Variants in MED12L observed in about 807,000 individuals in gnomAD.
MED12L encodes mediator complex subunit 12L.
In MED12L, 60 loss-of-function variants were observed where a neutral mutation model predicts 281.3. That is an observed-to-expected ratio of 0.21 (90% CI 0.17 to 0.26). The LOEUF (loss-of-function observed/expected upper bound fraction) is 0.26, where lower values mean the gene tolerates loss of function less well. Among genes scored for constraint, MED12L ranks in the 10% least tolerant of loss-of-function variants. MED12L has a pLI of 1.00. For missense variants in MED12L, 2,146 were observed against 2,680.9 expected (o/e 0.80, Z 4.41); for synonymous variants, 974 against 987.2 (o/e 0.99, Z 0.25).
chr3:151,413,905 C>A (rs1034697674), intron 42 of MED12L, among the ~76,000 whole-genome samples: 1 of 150,422 alleles, frequency 6.6e-6, no homozygotes, highest in Admixed American at 6.6e-5. Flanking sequence ...AAGACGGAGT[C>A]TCCCTCTGTC....
rs749720794 is a variant in MED12L at position 151,383,781 on chromosome 3, A to G, written c.4683A>G (p.Val1561=). The G allele has an allele frequency of 5.0e-6, 8 of 1,606,974 alleles. No homozygotes were observed. In the East Asian group the frequency reaches 1.6e-4, roughly 31 times the overall value. ...HEALQLRLNL[V]GGMFDTVQRS... ...TCTTACTGTATTTTGTCTGCTAGGT[A>G]GGAGGAATGTTTGACACGGTGCAGA... Residue 1561 remains valine, a splice_region_variant and synonymous_variant, in exon 34 of 45, where the codon GTA becomes GTG. Transcript: ENST00000687756.
At chr3:151,176,248 G>T (rs1047915670) in intron 11 of MED12L, among the ~76,000 whole-genome samples, 2 of 152,056 alleles carry the variant, frequency 1.3e-5, no homozygotes, top group Non-Finnish European at 2.9e-5. Context: ...AAAATGATAG[G>T]ATTGTCATTA....
At chr3:151,247,347 A>T (rs1459950252) in intron 16 of MED12L, among the ~76,000 whole-genome samples, 5 of 152,166 alleles carry the variant, frequency 3.3e-5, no homozygotes, top group Non-Finnish European at 5.9e-5. Flanking sequence ...ACAATAGCAA[A>T]GACTTGGAAC....
intron 16 of MED12L, among the ~76,000 whole-genome samples, chr3:151,330,509 G>C (rs957241989): frequency 1.3e-5 from 2 of 152,044 alleles, no homozygotes; most frequent in Non-Finnish European, 2.9e-5. Flanking sequence ...AAATCTACTT[G>C]CCAGGTAGGC....
At chr3:151,240,023 A>G (rs2149373940) in intron 16 of MED12L, among the ~76,000 whole-genome samples, 1 of 123,534 alleles carries the variant, frequency 8.1e-6, no homozygotes, top group Admixed American at 9.0e-5. Context: ...AGTAATCCTG[A>G]TGTCTTTCTC....
chr3:151,178,157 C>CAAAAAAAAAAAAAAAAAAAAAAA (rs10572929), intron 11 of MED12L, among the ~76,000 whole-genome samples: 1 of 49,170 alleles, frequency 2.0e-5, no homozygotes, highest in Non-Finnish European at 4.0e-5. Flanking sequence ...GACTTGGTCT[C>CAAAAAAAAAAAAAAAAAAAAAAA]AAAAAAAAAA....
rs748743471 is a variant in MED12L at position 151,394,832 on chromosome 3, C to A, written c.5785C>A (p.Leu1929Ile). Residue 1929 changes from leucine to isoleucine, a missense_variant, in exon 39 of 45, where the codon CTT becomes ATT. By Grantham distance (5) the Leu-to-Ile change is conservative. Coordinates refer to ENST00000687756, the MANE Select transcript of MED12L (RefSeq NM_001393769.1). ...TCTGCAGCAGCAGCAGCAACAGCGA[C>A]TTCTCAGGCAAGCCCAGACTCGGCC... Reference protein sequence around the residue: ...KLLQQQQQQRLLRQAQTRPFQ... With the variant: ...KLLQQQQQQRILRQAQTRPFQ... 8 of 1,614,180 alleles carry A rather than the reference C, an allele frequency of 5.0e-6. No homozygotes were observed. In the South Asian group the frequency reaches 8.8e-5, roughly 18 times the overall value.
intron 2 of MED12L, among the ~76,000 whole-genome samples, chr3:151,109,612 T>G (rs1449555219): frequency 6.6e-6 from 1 of 152,224 alleles, no homozygotes; most frequent in Admixed American, 6.5e-5. Context: ...TCTGGGCCGC[T>G]TGGTGAGGAC....
At chr3:151,327,734 T>TAAAAAAAA (rs63497161) in intron 16 of MED12L, 1 of 245,102 alleles carries the variant, frequency 4.1e-6, no homozygotes, top group Non-Finnish European at 7.5e-6. Context: ...CTCTTGAAAT[T>TAAAAAAAA]AAAAAAAAAA....
chr3:151,113,336 A>G (rs1712213792), intron 2 of MED12L, among the ~76,000 whole-genome samples: 1 of 152,190 alleles, frequency 6.6e-6, no homozygotes, highest in South Asian at 2.1e-4. Flanking sequence ...AGACAGTGTT[A>G]GTGAAGGGAA....
intron 4 of MED12L, among the ~76,000 whole-genome samples, chr3:151,127,605 C>T (rs1714725060): frequency 6.6e-6 from 1 of 152,128 alleles, no homozygotes; most frequent in African/African-American, 2.4e-5. Context: ...TTGTGCTACA[C>T]CTAGTTTTGA....
chr3:151,131,560 T>C (rs568606786), intron 5 of MED12L, among the ~76,000 whole-genome samples: 2 of 152,104 alleles, frequency 1.3e-5, no homozygotes, highest in South Asian at 2.1e-4. Flanking sequence ...TGAGCTGGGA[T>C]TGAGCCACTG....
rs1303817795 is a variant in MED12L at position 151,434,838 on chromosome 3, T to C, written c.*2034T>C. The stretch of plus-strand genomic sequence containing the variant: ...ATAGCATTTGTATGCACTTTATACT[T>C]TGCAGAGGTGAGTTAAATTATTAAT... On this transcript the variant is annotated 3_prime_UTR_variant, in exon 45 of 45. Transcript: ENST00000687756. The C allele has an allele frequency of 6.6e-6, 1 of 152,248 alleles. No individual in the cohort carries two copies. The highest frequency in any genetic ancestry group is 2.4e-5 in the African/African-American group (1 of 41,466). 9.4% of individuals were successfully genotyped at this position (152,248 alleles called of 1,614,324 possible).
chr3:151,354,111 A>T (rs1335520420), intron 17 of MED12L, among the ~76,000 whole-genome samples: 1 of 126,148 alleles, frequency 7.9e-6, no homozygotes, highest in Non-Finnish European at 1.6e-5. Context: ...ACTGCACTCC[A>T]GCCTGGGCGA....
At chr3:151,172,093 G>A (rs141214001) in intron 11 of MED12L, among the ~76,000 whole-genome samples, 13 of 152,176 alleles carry the variant, frequency 8.5e-5, no homozygotes, top group Admixed American at 2.0e-4. Context: ...AGTCTTAGAC[G>A]AATGCTTAGA....
At chr3:151,265,872 G>A (rs1455628516) in intron 16 of MED12L, among the ~76,000 whole-genome samples, 3 of 152,146 alleles carry the variant, frequency 2.0e-5, no homozygotes, top group Non-Finnish European at 4.4e-5. Flanking sequence ...TCCTTTTCAG[G>A]GAATCATGGA....
chr3:151,308,449 G>A (rs1747010839), intron 16 of MED12L, among the ~76,000 whole-genome samples: 1 of 152,076 alleles, frequency 6.6e-6, no homozygotes, highest in South Asian at 2.1e-4. Flanking sequence ...CAGTTTAGGG[G>A]CCACAGTCCC....
At chr3:151,227,321 A>G (rs1193435171) in intron 16 of MED12L, among the ~76,000 whole-genome samples, 3 of 152,162 alleles carry the variant, frequency 2.0e-5, no homozygotes, top group African/African-American at 4.8e-5. Context: ...TTCCCTCTTG[A>G]TCTTCGTATT....
intron 16 of MED12L, among the ~76,000 whole-genome samples, chr3:151,233,956 A>C (rs1192521066): frequency 1.3e-5 from 2 of 152,254 alleles, no homozygotes; most frequent in Non-Finnish European, 2.9e-5. Context: ...GTAATCTTTT[A>C]GGACTTTAAA....
Sources: gnomAD v4.1 joint callset for allele counts (sites outside exome capture counted in the v4.1 genomes callset) on GRCh38, gnomAD v4.1.1 for gene constraint, MANE v1.5 for transcripts, NCBI Gene and HGNC (gene_info 2026-07-23, HGNC 2026-07-21) for gene names.